CNTNAP5: variants seen among roughly 807,000 people sequenced by gnomAD.
The protein encoded by CNTNAP5 is contactin associated protein family member 5, also known as contactin-associated protein-like 5.
A neutral mutation model predicts 150.2 loss-of-function variants in CNTNAP5; 72 were observed. The ratio of observed to expected loss-of-function variants is 0.48; its 90% confidence interval spans 0.40 to 0.58. The LOEUF is 0.58. Ranked by LOEUF, CNTNAP5 falls within the 20% of genes least tolerant of loss-of-function variation. CNTNAP5 has a pLI of 0.00. For synonymous variants in CNTNAP5, 672 were observed against 619.8 expected, an observed-to-expected ratio of 1.08 and a Z score of -1.25; for missense variants, 1,636 against 1,626.2, an observed-to-expected ratio of 1.01 and a Z score of -0.10.
Position 124,871,696 on chromosome 2 carries a change from C to T in CNTNAP5, c.3436+1934C>T, listed in dbSNP as rs192099304. ...CTGCTATTGAAGGTGCTCTGACCAC[C>T]TCCATACCTACTACTTACAAGTTGA... On this transcript the variant is annotated intron_variant, in intron 21 of 23. Transcript: ENST00000682447. Among the ~76,000 whole-genome samples, 90 of 152,218 alleles carry T rather than the reference C, an allele frequency of 5.9e-4. No individual in the cohort carries two copies. In the South Asian group the frequency reaches 1.0e-2, roughly 17 times the overall value.
intron 11 of CNTNAP5, among the ~76,000 whole-genome samples, chr2:124,607,283 G>C (rs1677258313): frequency 6.6e-6 from 1 of 152,108 alleles, no homozygotes; most frequent in South Asian, 2.1e-4. Flanking sequence ...TCGTTTTAAG[G>C]CTTGATATGG....
intron 2 of CNTNAP5, among the ~76,000 whole-genome samples, chr2:124,223,685 C>T (rs896456153): frequency 6.6e-6 from 1 of 150,760 alleles, no homozygotes; most frequent in Non-Finnish European, 1.5e-5. Flanking sequence ...CAGGCCGGCT[C>T]TCTCCCTGAC....
rs1164725672 is a variant in CNTNAP5 at position 124,222,712 on chromosome 2, T to C, written c.187+903T>C. ...ACCATCTTTGCATTCTGGAATAAGTTCTAATTGGTCGTTGTGTTTTTTTTT... is the reference window on the plus strand; with the variant it reads ...ACCATCTTTGCATTCTGGAATAAGTCCTAATTGGTCGTTGTGTTTTTTTTT... On this transcript the variant is annotated intron_variant, in intron 2 of 23. Coordinates refer to ENST00000682447, the MANE Select transcript of CNTNAP5 (RefSeq NM_001367498.1). Among the ~76,000 whole-genome samples, 3 of 149,032 alleles carry C rather than the reference T, an allele frequency of 2.0e-5. No individual in the cohort carries two copies. In the East Asian group the frequency reaches 6.0e-4, roughly 30 times the overall value.
At chr2:124,451,731 G>A (rs941267467) in intron 6 of CNTNAP5, among the ~76,000 whole-genome samples, 4 of 152,134 alleles carry the variant, frequency 2.6e-5, no homozygotes, top group African/African-American at 9.7e-5. Flanking sequence ...ACTGTGGAGG[G>A]AAAGGGAGAT....
intron 6 of CNTNAP5, among the ~76,000 whole-genome samples, chr2:124,450,188 A>G (rs907165827): frequency 6.6e-6 from 1 of 151,936 alleles, no homozygotes; most frequent in African/African-American, 2.4e-5. Context: ...TGTGCCAATG[A>G]CTAATTTTTG....
chr2:124,752,173 G>A (rs947965557), intron 14 of CNTNAP5, among the ~76,000 whole-genome samples: 1 of 152,064 alleles, frequency 6.6e-6, no homozygotes, highest in African/African-American at 2.4e-5. Context: ...GGGTGCTTAG[G>A]GAAACTGGGG....
intron 13 of CNTNAP5, among the ~76,000 whole-genome samples, chr2:124,648,863 C>T (rs565200399): frequency 2.6e-5 from 4 of 152,126 alleles, no homozygotes; most frequent in Admixed American, 6.5e-5. Context: ...CCTCAAGAAA[C>T]TTACATTCCA....
At chr2:124,639,339 C>T (rs1162371746) in intron 12 of CNTNAP5, among the ~76,000 whole-genome samples, 2 of 152,170 alleles carry the variant, frequency 1.3e-5, no homozygotes, top group Non-Finnish European at 2.9e-5. Context: ...GTAGAGATGT[C>T]AGCTGAAAGA....
intron 8 of CNTNAP5, among the ~76,000 whole-genome samples, chr2:124,506,074 A>G (rs1391316689): frequency 6.6e-6 from 1 of 152,178 alleles, no homozygotes; most frequent in Non-Finnish European, 1.5e-5. Context: ...CAATATTAAT[A>G]TAAGTAGATA....
intron 3 of CNTNAP5, among the ~76,000 whole-genome samples, chr2:124,267,589 A>T (rs889022563): frequency 6.6e-6 from 1 of 152,184 alleles, no homozygotes; most frequent in Non-Finnish European, 1.5e-5. Context: ...TTCTGTACTC[A>T]TTTATCAATT....
At chr2:124,396,994 C>T (rs555728025) in intron 3 of CNTNAP5, among the ~76,000 whole-genome samples, 25 of 152,166 alleles carry the variant, frequency 1.6e-4, no homozygotes, top group Non-Finnish European at 3.4e-4. Flanking sequence ...CACTAAGCAT[C>T]ACTGCATCTT....
At chr2:124,631,051 A>G (rs895176716) in intron 12 of CNTNAP5, among the ~76,000 whole-genome samples, 2 of 152,124 alleles carry the variant, frequency 1.3e-5, no homozygotes, top group Admixed American at 6.6e-5. Flanking sequence ...AAAACTAAAA[A>G]CCACTGATCA....
chr2:124,471,402 G>A (rs1024626683), intron 6 of CNTNAP5, among the ~76,000 whole-genome samples: 2 of 152,100 alleles, frequency 1.3e-5, no homozygotes, highest in African/African-American at 4.8e-5. Flanking sequence ...CTAGTGATTT[G>A]TGTACATAAT....
At chr2:124,341,894 G>A (rs1341032715) in intron 3 of CNTNAP5, among the ~76,000 whole-genome samples, 2 of 152,116 alleles carry the variant, frequency 1.3e-5, no homozygotes, top group Non-Finnish European at 2.9e-5. Context: ...GTCTTGTAGG[G>A]CTTCAGAAAA....
At chr2:124,660,431 A>T (rs997114101) in intron 13 of CNTNAP5, among the ~76,000 whole-genome samples, 1 of 152,230 alleles carries the variant, frequency 6.6e-6, no homozygotes, top group Non-Finnish European at 1.5e-5. Flanking sequence ...GTGCTGTCCA[A>T]TGAAAATATA....
intron 3 of CNTNAP5, among the ~76,000 whole-genome samples, chr2:124,410,208 G>A (rs1401649697): frequency 1.3e-5 from 2 of 149,176 alleles, no homozygotes; most frequent in African/African-American, 4.9e-5. Context: ...ACCCAATACA[G>A]GAGCACCCAG....
chr2:124,430,384 C>T (rs954883194), intron 4 of CNTNAP5, among the ~76,000 whole-genome samples: 1 of 152,116 alleles, frequency 6.6e-6, no homozygotes, highest in African/African-American at 2.4e-5. Context: ...AAATGAGTTC[C>T]TGTGCAAAAA....
intron 6 of CNTNAP5, among the ~76,000 whole-genome samples, chr2:124,474,379 T>C (rs539507269): frequency 1.5e-4 from 23 of 152,204 alleles, no homozygotes; most frequent in African/African-American, 5.5e-4. Flanking sequence ...GTTTGTCTCT[T>C]GGCTTTAGTA....
intron 12 of CNTNAP5, among the ~76,000 whole-genome samples, chr2:124,635,472 G>A (rs560347137): frequency 2.5e-4 from 38 of 152,206 alleles, no homozygotes; most frequent in Non-Finnish European, 4.3e-4. Flanking sequence ...AAGGGAAACC[G>A]GAGGAAAGAC....
Sources: gnomAD v4.1 joint callset for allele counts (sites outside exome capture counted in the v4.1 genomes callset) on GRCh38, gnomAD v4.1.1 for gene constraint, MANE v1.5 for transcripts, NCBI Gene and HGNC (gene_info 2026-07-23, HGNC 2026-07-21) for gene names.